Variants in SGK1 observed in about 807,000 individuals in gnomAD.
SGK1 encodes serum/glucocorticoid regulated kinase 1.
A neutral mutation model predicts 64.2 loss-of-function variants in SGK1; 26 were observed. The observed-to-expected ratio is 0.40, with a 90% CI of 0.30 to 0.56. The LOEUF is 0.56. Ranked by LOEUF, SGK1 falls within the 20% of genes least tolerant of loss-of-function variation. SGK1 has a pLI of 0.38. For missense variants in SGK1, 519 were observed against 645.6 expected, an observed-to-expected ratio of 0.80 and a Z score of 2.12; for synonymous variants, 265 against 239.7, an observed-to-expected ratio of 1.11 and a Z score of -0.98.
intron 2 of SGK1, 115 bp downstream of exon 2, chr6:134,261,818 C>G: frequency 2.6e-6 from 2 of 758,524 alleles, no homozygotes; most frequent in Non-Finnish European, 4.7e-6. Flanking sequence ...TCCTCAGAAG[C>G]TTTATAAATA....
At chr6:134,175,599 G>T in intron 3 of SGK1, 1 of 1,550,172 alleles carries the variant, frequency 6.5e-7, no homozygotes, top group Non-Finnish European at 8.7e-7. Flanking sequence ...CCCTCTTTTT[G>T]TGGCGGGGCC....
chr6:134,235,544 TATTTA>T (rs1311764162), intron 2 of SGK1, among the ~76,000 whole-genome samples: 3 of 89,382 alleles, frequency 3.4e-5, no homozygotes, highest in African/African-American at 7.4e-5. Context: ...TAGATATTTT[TATTTA>T]TTTATTTATT....
chr6:134,170,978 G>C lies in SGK1; in HGVS notation c.1323+45C>G, dbSNP rs770276025. 5.0e-6 allele frequency: 8 copies of C among 1,611,182 alleles called. No individual in the cohort carries two copies. In the African/African-American group the frequency reaches 9.4e-5, roughly 19 times the overall value. On this transcript the variant is annotated intron_variant, in intron 12 of 13. Transcript: ENST00000367858. ...CATTCAATAAGGGCAGGGAGGTCTAGTGCACGTCCCGGCCGGCCCAGGAGG... is the reference window on the plus strand; with the variant it reads ...CATTCAATAAGGGCAGGGAGGTCTACTGCACGTCCCGGCCGGCCCAGGAGG...
chr6:134,212,646 C>T (rs1775910966), intron 2 of SGK1, among the ~76,000 whole-genome samples: 1 of 152,116 alleles, frequency 6.6e-6, no homozygotes, highest in South Asian at 2.1e-4. Flanking sequence ...TGAGGGACAG[C>T]TTTCAGGAAG....
intron 2 of SGK1, among the ~76,000 whole-genome samples, chr6:134,225,918 CAAAAACAAA>C (rs1776167871): frequency 6.7e-6 from 1 of 148,608 alleles, no homozygotes; most frequent in South Asian, 2.1e-4. Flanking sequence ...ACCAAAAAAA[CAAAAACAAA>C]AAAAACAAAA....
intron 1 of SGK1, among the ~76,000 whole-genome samples, chr6:134,315,740 T>C (rs1777673016): frequency 6.6e-6 from 1 of 152,072 alleles, no homozygotes; most frequent in Admixed American, 6.5e-5. Context: ...AAAACATTTG[T>C]TTATTATTGA....
intron 1 of SGK1, among the ~76,000 whole-genome samples, chr6:134,312,752 C>T (rs1230442863): frequency 6.6e-6 from 1 of 151,668 alleles, no homozygotes; most frequent in Non-Finnish European, 1.5e-5. Context: ...AAGTACCTAT[C>T]TCAGGTATTT....
intron 2 of SGK1, among the ~76,000 whole-genome samples, chr6:134,231,821 C>T (rs1776281707): frequency 6.6e-6 from 1 of 151,932 alleles, no homozygotes; most frequent in Non-Finnish European, 1.5e-5. Context: ...AGGTAGATCA[C>T]CTGAGGTCAG....
chr6:134,238,669 G>T lies in SGK1; in HGVS notation c.285+23264C>A, dbSNP rs545148218. ...TGGAAATAATTAGTGCTTTTAATTA[G>T]TACAACTGGGAAATAAGGCATACCA... is the stretch of plus-strand genomic sequence containing the variant. On this transcript the variant is annotated intron_variant, in intron 2 of 13. Coordinates refer to ENST00000367858, the MANE Select transcript of SGK1 (RefSeq NM_001143676.3). 6.6e-5 allele frequency among the ~76,000 whole-genome samples: 10 copies of T among 152,066 alleles called. No homozygotes were observed. The East Asian group carries it at 1.4e-3, about 21-fold the overall frequency.
chr6:134,207,489 T>C lies in SGK1; in HGVS notation c.286-58A>G. 3 of 1,166,058 alleles carry C rather than the reference T, an allele frequency of 2.6e-6. No homozygotes were observed. The South Asian group carries it at 3.9e-5, about 15-fold the overall frequency. The allele number at this position is 1,166,058 out of a possible 1,614,324, so 72.2% of individuals were successfully genotyped here. A position where few individuals can be genotyped will look rare whatever the true frequency, so the allele number is the denominator to read the frequency against. On this transcript the variant is annotated intron_variant, in intron 2 of 13. Transcript: ENST00000367858. ...AAAATGGCTTCATCATTTCAGCTAT[T>C]TTAGGCTTATAGTTCTAGAGAAAGG...
intron 2 of SGK1, among the ~76,000 whole-genome samples, chr6:134,222,601 G>T (rs1450151919): frequency 6.6e-6 from 1 of 152,134 alleles, no homozygotes; most frequent in Admixed American, 6.5e-5. Flanking sequence ...CTCGCAAAGT[G>T]CTGGGATTAC....
At chr6:134,283,555 C>T (rs1331300890) in intron 1 of SGK1, among the ~76,000 whole-genome samples, 1 of 151,484 alleles carries the variant, frequency 6.6e-6, no homozygotes, top group Non-Finnish European at 1.5e-5. Context: ...GAGGACACAT[C>T]AAAGAAGTCT....
intron 10 of SGK1, 147 bp downstream of exon 10, chr6:134,172,046 C>A: frequency 1.1e-6 from 1 of 944,446 alleles, no homozygotes; most frequent in Non-Finnish European, 1.6e-6. Context: ...CATGCTACAT[C>A]AAACAGCAAA....
intron 3 of SGK1, chr6:134,178,011 C>G: frequency 1.7e-6 from 1 of 581,822 alleles, no homozygotes; most frequent in Non-Finnish European, 3.0e-6. Context: ...AGCACGCACA[C>G]AAGAAATGTA....
At chr6:134,259,289 T>G (rs1776728043) in intron 2 of SGK1, among the ~76,000 whole-genome samples, 1 of 152,104 alleles carries the variant, frequency 6.6e-6, no homozygotes, top group East Asian at 1.9e-4. Context: ...CTGTATAGGA[T>G]ATGTAGAACC....
chr6:134,225,351 G>GAAAAA lies in SGK1; in HGVS notation c.286-17921_286-17920insTTTTT, dbSNP rs780987311. Among the ~76,000 whole-genome samples the GAAAAA allele has an allele frequency of 4.1e-5, 4 of 97,836 alleles. 1 individual carries two copies. Among genetic ancestry groups the GAAAAA allele is most frequent in the Non-Finnish European group, 4.2e-5 (2 of 47,648 alleles). 64.2% of individuals were successfully genotyped at this position (97,836 alleles called of 152,430 possible). On this transcript the variant is annotated intron_variant, in intron 2 of 13. Coordinates refer to ENST00000367858, the MANE Select transcript of SGK1 (RefSeq NM_001143676.3). ...GGGTGACAGAGCGAGACTCCATCTCGGAAAAAAAAAAAAAAAAGAAAAGAA... is the reference window on the plus strand; with the variant it reads ...GGGTGACAGAGCGAGACTCCATCTCGAAAAAGAAAAAAAAAAAAAAAAGAAAAGAA...
intron 1 of SGK1, among the ~76,000 whole-genome samples, chr6:134,282,652 CA>C (rs112646041): frequency 1.0e-4 from 15 of 143,194 alleles, no homozygotes; most frequent in East Asian, 2.0e-4. Context: ...GACTCCATCT[CA>C]AAAAAAAAAA....
At chr6:134,212,659 C>T (rs974795963) in intron 2 of SGK1, among the ~76,000 whole-genome samples, 9 of 152,166 alleles carry the variant, frequency 5.9e-5, no homozygotes, top group African/African-American at 1.9e-4. Flanking sequence ...TCAGGAAGGA[C>T]AGCCAGCATT....
chr6:134,255,574 A>ATT (rs11318242), intron 2 of SGK1, among the ~76,000 whole-genome samples: 3,957 of 78,796 alleles, frequency 0.05, 182 homozygotes, highest in South Asian at 0.13. Flanking sequence ...AGAGATTTTG[A>ATT]TTTTTTTTTT....
Sources: allele counts gnomAD v4.1 joint callset (sites outside exome capture counted in the v4.1 genomes callset), GRCh38; gene constraint gnomAD v4.1.1; transcripts MANE v1.5; gene names NCBI Gene and HGNC (gene_info 2026-07-23, HGNC 2026-07-21).